Variants in GRIA1 observed in about 807,000 individuals in gnomAD.
GRIA1 encodes the protein glutamate ionotropic receptor AMPA type subunit 1, also known as glutamate receptor 1.
In GRIA1, 31 loss-of-function variants were observed where a neutral mutation model predicts 99.2. The ratio of observed to expected loss-of-function variants is 0.31; its 90% CI spans 0.23 to 0.42. The LOEUF is 0.42. Ranked by LOEUF, GRIA1 falls within the 10% of genes least tolerant of loss-of-function variation. The pLI, the probability that GRIA1 is intolerant of heterozygous loss-of-function variation, is 1.00. For missense variants in GRIA1, 782 were observed against 1,157.5 expected (o/e 0.68, Z 4.71); for synonymous variants, 438 against 432.4 (o/e 1.01, Z -0.16).
upstream of GRIA1, chr5:153,489,762 G>A: frequency 2.2e-6 from 1 of 456,498 alleles, no homozygotes; most frequent in Non-Finnish European, 4.4e-6. Context: ...GACATGACCA[G>A]CATCCAGAAA....
chr5:153,492,165 G>C, intron 1 of GRIA1: 1 of 1,503,848 alleles, frequency 6.6e-7, no homozygotes, highest in African/African-American at 1.4e-5. Context: ...GTTTGAGGGG[G>C]GATGTGGTGC....
chr5:153,549,598 A>C (rs2113533709), intron 2 of GRIA1, among the ~76,000 whole-genome samples: 1 of 152,306 alleles, frequency 6.6e-6, no homozygotes, highest in African/African-American at 2.4e-5. Flanking sequence ...AACAACATCC[A>C]AAAAGTGGGC....
At chr5:153,714,746 G>A (rs963068128) in intron 11 of GRIA1, among the ~76,000 whole-genome samples, 1 of 152,222 alleles carries the variant, frequency 6.6e-6, no homozygotes, top group Non-Finnish European at 1.5e-5. Flanking sequence ...TTGAATATGA[G>A]TTAGGTACCA....
In GRIA1 at chr5:153,674,614, A is replaced by G. The variant is rs751881473; in HGVS notation, c.814A>G (p.Asn272Asp). Reference sequence around the variant, plus strand: ...GGCCAAGATCATGCAGCAGTGGAAGAATAGTGATGCTCGAGACCACACACG... The same window carrying G: ...GGCCAAGATCATGCAGCAGTGGAAGGATAGTGATGCTCGAGACCACACACG... ...IPAKIMQQWK[N>D]SDARDHTRVD... The change falls in exon 6 of 16, where the codon AAT (asparagine) becomes GAT (aspartate). Residue 272 changes from asparagine (N) to aspartate (D), a missense_variant. Coordinates refer to ENST00000285900, the MANE Select transcript of GRIA1 (RefSeq NM_000827.4). The G allele has an allele frequency of 6.2e-7, 1 of 1,614,138 alleles. No individual in the cohort carries two copies. Among genetic ancestry groups the G allele is most frequent in the East Asian group, 2.2e-5 (1 of 44,866 alleles).
chr5:153,738,205 A>G (rs1231752777), intron 11 of GRIA1, among the ~76,000 whole-genome samples: 1 of 152,214 alleles, frequency 6.6e-6, no homozygotes, highest in Non-Finnish European at 1.5e-5. Flanking sequence ...GAAGTCTGGT[A>G]GCTGGTTCTC....
At chr5:153,771,593 T>G (rs757865911) in intron 13 of GRIA1, among the ~76,000 whole-genome samples, 1 of 152,170 alleles carries the variant, frequency 6.6e-6, no homozygotes, top group African/African-American at 2.4e-5. Flanking sequence ...TAATAGATAC[T>G]AGGACAGTCT....
At chr5:153,501,548 T>C (rs1393479441) in intron 2 of GRIA1, among the ~76,000 whole-genome samples, 1 of 152,100 alleles carries the variant, frequency 6.6e-6, no homozygotes, top group Non-Finnish European at 1.5e-5. Context: ...AAAGAACCCA[T>C]GGAAGGGTTT....
chr5:153,762,508 G>A (rs77677255), intron 11 of GRIA1, among the ~76,000 whole-genome samples: 13 of 152,150 alleles, frequency 8.5e-5, no homozygotes, highest in Admixed American at 2.0e-4. Flanking sequence ...CTGGGGCACT[G>A]GGGGAGTGAT....
At chr5:153,702,945 T>G (rs1758635196) in intron 10 of GRIA1, among the ~76,000 whole-genome samples, 1 of 152,186 alleles carries the variant, frequency 6.6e-6, no homozygotes, top group Non-Finnish European at 1.5e-5. Context: ...AAGACAACTG[T>G]TTCTTTTGAG....
chr5:153,809,919 T>C lies in GRIA1; in HGVS notation c.2521-1106T>C, dbSNP rs146167031. 7.5e-3 allele frequency among the ~76,000 whole-genome samples: 1,144 copies of C among 152,288 alleles called. 5 individuals are homozygous for C. Among genetic ancestry groups the C allele is most frequent in the South Asian group, 0.015 (74 of 4,810 alleles). On this transcript the variant is annotated intron_variant, in intron 15 of 15. Transcript: ENST00000285900. The stretch of plus-strand genomic sequence containing the variant: ...TGAAGAAGAGGTAGGGTTGGTCCCA[T>C]TGACAATTCTTTATATTGATTCCCA...
At chr5:153,618,100 G>A (rs1019542841) in intron 2 of GRIA1, among the ~76,000 whole-genome samples, 1 of 152,190 alleles carries the variant, frequency 6.6e-6, no homozygotes. Context: ...TTGGTTTGAC[G>A]TTTGGCTTAA....
intron 5 of GRIA1, 98 bp from the exon 6 acceptor site, chr5:153,674,402 C>G: frequency 7.6e-7 from 1 of 1,321,904 alleles, no homozygotes; most frequent in Non-Finnish European, 1.1e-6. Context: ...TAGGTTTCAT[C>G]TGGTGGAACT....
chr5:153,635,427 G>T (rs562682749), intron 2 of GRIA1, among the ~76,000 whole-genome samples: 33 of 152,328 alleles, frequency 2.2e-4, no homozygotes, highest in African/African-American at 7.5e-4. Flanking sequence ...GCTTTTGTTT[G>T]TTCTGCTTTG....
At chr5:153,718,615 A>T (rs1190238616) in intron 11 of GRIA1, among the ~76,000 whole-genome samples, 1 of 152,240 alleles carries the variant, frequency 6.6e-6, no homozygotes, top group African/African-American at 2.4e-5. Context: ...ATGAGAATAC[A>T]TGAGCAAACA....
At chr5:153,538,564 A>G (rs1039450110) in intron 2 of GRIA1, among the ~76,000 whole-genome samples, 1 of 152,092 alleles carries the variant, frequency 6.6e-6, no homozygotes, top group Non-Finnish European at 1.5e-5. Context: ...GGTGGCTCTT[A>G]GTCAGCTCAC....
At chr5:153,701,195 C>G (rs1758491931) in intron 10 of GRIA1, among the ~76,000 whole-genome samples, 1 of 152,172 alleles carries the variant, frequency 6.6e-6, no homozygotes, top group Non-Finnish European at 1.5e-5. Context: ...CCCCAGTAGC[C>G]AACACAGCTG....
chr5:153,535,004 T>A (rs1287042007), intron 2 of GRIA1, among the ~76,000 whole-genome samples: 1 of 152,068 alleles, frequency 6.6e-6, no homozygotes, highest in African/African-American at 2.4e-5. Flanking sequence ...TCATTATAAC[T>A]TTTACCTCCT....
intron 11 of GRIA1, among the ~76,000 whole-genome samples, chr5:153,733,609 T>A (rs907721756): frequency 3.9e-5 from 6 of 152,142 alleles, no homozygotes; most frequent in African/African-American, 1.4e-4. Context: ...ATGCTGCCTA[T>A]AAGAGACTTG....
At position 153,530,876 on chromosome 5, in the gene GRIA1, G is replaced by A. The variant is rs570726186; in HGVS notation, c.220+36811G>A. 1.7e-3 allele frequency among the ~76,000 whole-genome samples: 257 copies of A among 152,344 alleles called. 2 individuals are homozygous for A. The highest frequency in any genetic ancestry group is 5.7e-3 in the African/African-American group (235 of 41,584). ...AATAGTTACTGAACACCTATGATGT[G>A]CCAGTTACTGTGCCAGGAGCTGGCT... On this transcript the variant is annotated intron_variant, in intron 2 of 15. Transcript: ENST00000285900.
Sources: gnomAD v4.1 joint callset for allele counts (sites outside exome capture counted in the v4.1 genomes callset) on GRCh38, gnomAD v4.1.1 for gene constraint, MANE v1.5 for transcripts, NCBI Gene and HGNC (gene_info 2026-07-23, HGNC 2026-07-21) for gene names.